SORCS3: variants seen among roughly 807,000 people sequenced by gnomAD.
The protein encoded by SORCS3 is sortilin related VPS10 domain containing receptor 3, also known as VPS10 domain-containing receptor SorCS3.
A neutral mutation model predicts 146.3 loss-of-function variants in SORCS3; 57 were observed. That is an observed-to-expected ratio of 0.39 (90% CI 0.31 to 0.49). SORCS3 has a LOEUF of 0.49. SORCS3 is among the 20% of genes least tolerant of loss of function. The pLI, the probability that SORCS3 is intolerant of heterozygous loss-of-function variation, is 0.92. For synonymous variants in SORCS3, 653 were observed against 618.5 expected, an observed-to-expected ratio of 1.06 and a Z score of -0.83; for missense variants, 1,341 against 1,575.5, an observed-to-expected ratio of 0.85 and a Z score of 2.52.
chr10:104,761,430 C>T (rs981560317), intron 1 of SORCS3, among the ~76,000 whole-genome samples: 1 of 152,040 alleles, frequency 6.6e-6, no homozygotes, highest in Non-Finnish European at 1.5e-5. Flanking sequence ...TAGATACAGG[C>T]CAAGTGTTCT....
intron 1 of SORCS3, among the ~76,000 whole-genome samples, chr10:104,757,281 T>G (rs918472989): frequency 2.0e-5 from 3 of 152,146 alleles, no homozygotes; most frequent in African/African-American, 7.2e-5. Context: ...AGCAAAGGCA[T>G]TGGCCTTTTG....
At chr10:105,172,506 A>G (rs1178155712) in intron 13 of SORCS3, among the ~76,000 whole-genome samples, 1 of 152,224 alleles carries the variant, frequency 6.6e-6, no homozygotes, top group Non-Finnish European at 1.5e-5. Context: ...CCACCTATCT[A>G]ACTACATTCT....
chr10:104,741,702 T>TTTG (rs2016845657), intron 1 of SORCS3, among the ~76,000 whole-genome samples: 1 of 66,232 alleles, frequency 1.5e-5, no homozygotes, highest in East Asian at 3.8e-4. Flanking sequence ...CATTCTGGGT[T>TTTG]TTTTTTTTTT....
At chr10:105,214,397 C>T (rs756071805) in intron 17 of SORCS3, 45 bp from the exon 18 acceptor site, 1 of 1,602,974 alleles carries the variant, frequency 6.2e-7, no homozygotes, top group Non-Finnish European at 8.5e-7. Flanking sequence ...ACAGCAACAA[C>T]AACACAATCA....
At chr10:105,194,739 G>A (rs2056535040) in intron 14 of SORCS3, among the ~76,000 whole-genome samples, 1 of 152,094 alleles carries the variant, frequency 6.6e-6, no homozygotes, top group African/African-American at 2.4e-5. Context: ...TTTTTAATTA[G>A]TTGACAAAAA....
At chr10:105,058,723 G>C (rs1025748830) in intron 5 of SORCS3, among the ~76,000 whole-genome samples, 1 of 152,102 alleles carries the variant, frequency 6.6e-6, no homozygotes, top group Non-Finnish European at 1.5e-5. Flanking sequence ...CTGGCTTTCT[G>C]CATCCTCATC....
intron 2 of SORCS3, among the ~76,000 whole-genome samples, chr10:104,898,958 C>G (rs2018824977): frequency 6.6e-6 from 1 of 152,200 alleles, no homozygotes; most frequent in Non-Finnish European, 1.5e-5. Flanking sequence ...TGCATACAGT[C>G]TCCAAGATGC....
At chr10:105,028,471 G>A (rs551615329) in intron 4 of SORCS3, among the ~76,000 whole-genome samples, 4 of 152,108 alleles carry the variant, frequency 2.6e-5, no homozygotes, top group African/African-American at 7.2e-5. Flanking sequence ...CTACCTCCCC[G>A]TGAAATGGCC....
intron 1 of SORCS3, among the ~76,000 whole-genome samples, chr10:104,709,225 G>A (rs961675335): frequency 4.6e-5 from 7 of 152,136 alleles, no homozygotes; most frequent in African/African-American, 1.4e-4. Context: ...GGAGATTTGG[G>A]TTGGGTGTTT....
chr10:104,646,611 G>A (rs968878341), intron 1 of SORCS3, among the ~76,000 whole-genome samples: 1 of 152,220 alleles, frequency 6.6e-6, no homozygotes, highest in Non-Finnish European at 1.5e-5. Context: ...GATTGGCTAA[G>A]TCACTTAAGG....
chr10:105,026,829 G>A (rs2055235121), intron 4 of SORCS3, among the ~76,000 whole-genome samples: 3 of 152,172 alleles, frequency 2.0e-5, no homozygotes, highest in Admixed American at 2.0e-4. Context: ...GACTACAAGA[G>A]GTGGGTGGGG....
chr10:104,988,204 C>T (rs759969296), intron 4 of SORCS3, among the ~76,000 whole-genome samples: 1 of 152,172 alleles, frequency 6.6e-6, no homozygotes, highest in African/African-American at 2.4e-5. Context: ...GGTACAGCCA[C>T]CACACCCCAC....
intron 5 of SORCS3, among the ~76,000 whole-genome samples, chr10:105,052,989 G>A (rs2055423256): frequency 6.6e-6 from 1 of 152,060 alleles, no homozygotes; most frequent in Non-Finnish European, 1.5e-5. Flanking sequence ...TTGCAGTTCT[G>A]GAATCTGGAA....
At chr10:104,643,171 A>G (rs886163846) in intron 1 of SORCS3, among the ~76,000 whole-genome samples, 1 of 152,090 alleles carries the variant, frequency 6.6e-6, no homozygotes, top group Non-Finnish European at 1.5e-5. Flanking sequence ...GGGTGTCTGT[A>G]CAAGCAGCCT....
At chr10:105,052,748 G>A (rs751606714) in intron 5 of SORCS3, among the ~76,000 whole-genome samples, 88 of 152,266 alleles carry the variant, frequency 5.8e-4, no homozygotes, top group Non-Finnish European at 1.1e-3. Context: ...AGAGAGAGAA[G>A]AGGTCAATGT....
At chr10:105,058,987 G>T (rs138274384) in intron 5 of SORCS3, among the ~76,000 whole-genome samples, 1 of 152,094 alleles carries the variant, frequency 6.6e-6, no homozygotes, top group African/African-American at 2.4e-5. Context: ...TAAAAATGCC[G>T]ATAGTTTCTT....
intron 11 of SORCS3, 56 bp downstream of exon 11, chr10:105,159,050 G>C: frequency 7.5e-7 from 1 of 1,338,784 alleles, no homozygotes; most frequent in East Asian, 2.3e-5. Context: ...GAATAAATTT[G>C]TCACCTCTTT....
intron 1 of SORCS3, among the ~76,000 whole-genome samples, chr10:104,792,778 T>C (rs144398646): frequency 3.9e-5 from 6 of 152,296 alleles, no homozygotes; most frequent in African/African-American, 1.4e-4. Flanking sequence ...TTTTTGTAGG[T>C]TGTATATCAA....
chr10:104,706,207 T>C (rs898610393), intron 1 of SORCS3, among the ~76,000 whole-genome samples: 11 of 102,570 alleles, frequency 1.1e-4, no homozygotes, highest in Non-Finnish European at 2.4e-5. Context: ...TCTTCTTTTT[T>C]TTTTTTTTTT....
Sources: gnomAD v4.1 joint callset for allele counts (sites outside exome capture counted in the v4.1 genomes callset) on GRCh38, gnomAD v4.1.1 for gene constraint, MANE v1.5 for transcripts, NCBI Gene and HGNC (gene_info 2026-07-23, HGNC 2026-07-21) for gene names.